The following SNX8 variants were observed in gnomAD, a reference collection of about 807,000 sequenced individuals.
SNX8 encodes sorting nexin-8.
A neutral mutation model predicts 51.6 loss-of-function variants in SNX8; 25 were observed. That is an observed-to-expected ratio of 0.48 (90% CI 0.35 to 0.68). The LOEUF (loss-of-function observed/expected upper bound fraction) is 0.68, where lower values mean the gene tolerates loss of function less well. SNX8 is among the 30% of genes least tolerant of loss of function. The probability of loss-of-function intolerance (pLI) is 0.00; values close to 1 mark genes in which losing one functional copy is unlikely to be tolerated. For missense variants in SNX8, 695 were observed against 624.0 expected (o/e 1.11, Z -1.21); for synonymous variants, 324 against 277.0 (o/e 1.17, Z -1.68).
At chr7:2,329,932 A>G (rs925822121) in intron 1 of SNX8, among the ~76,000 whole-genome samples, 15 of 138,412 alleles carry the variant, frequency 1.1e-4, no homozygotes, top group African/African-American at 3.7e-4. Flanking sequence ...GGTTCAAGCA[A>G]TTCGCCACTC....
intron 7 of SNX8, among the ~76,000 whole-genome samples, chr7:2,258,663 G>C (rs1455565072): frequency 6.6e-6 from 1 of 152,016 alleles, no homozygotes; most frequent in Non-Finnish European, 1.5e-5. Context: ...GGGTAGGTAG[G>C]AGAGACAGCA....
chr7:2,264,442 T>G lies in SNX8; in HGVS notation c.638A>C (p.Asp213Ala). 6.2e-7 allele frequency: 1 copy of G among 1,611,338 alleles called. No homozygotes were observed. Among genetic ancestry groups the G allele is most frequent in the Non-Finnish European group, 8.5e-7 (1 of 1,179,874 alleles). ...GCTGATGGCAAACTGAGCCTGGATG[T>G]CAGCTGGGAGGAAGTCCTGACATCA... ...ATRAKDFLPA[D>A]IQAQFAISRE... The change falls in exon 6 of 11, where the codon GAC (aspartate) becomes GCC (alanine). Residue 213 changes from aspartate to alanine, a missense_variant. Transcript: ENST00000222990.
At chr7:2,308,665 CAAAAAAAAA>C (rs756364188) in intron 1 of SNX8, among the ~76,000 whole-genome samples, 1 of 63,116 alleles carries the variant, frequency 1.6e-5, no homozygotes, top group African/African-American at 6.6e-5. Flanking sequence ...GACTCTGTCT[CAAAAAAAAA>C]AAAAAAAAAA....
rs1228361024 is a variant in SNX8, at chr7:2,254,333, G to C, written c.*723C>G. On this transcript the variant is annotated 3_prime_UTR_variant, in exon 11 of 11. Coordinates refer to ENST00000222990, the MANE Select transcript of SNX8 (RefSeq NM_013321.4). ...GCCACCAGAAATCAAGGGAGTCCAG[G>C]GGACGAGAACACAGCTGCTGTAGCG... 6.5e-6 allele frequency: 1 copy of C among 153,870 alleles called. No homozygotes were observed. Among genetic ancestry groups the C allele is most frequent in the African/African-American group, 2.4e-5 (1 of 41,464 alleles). 9.5% of individuals were successfully genotyped at this position (153,870 alleles called of 1,614,324 possible). A position where few individuals can be genotyped will look rare whatever the true frequency, so the allele number is the denominator to read the frequency against.
chr7:2,324,585 C>T (rs1778593862), intron 1 of SNX8, among the ~76,000 whole-genome samples: 1 of 151,922 alleles, frequency 6.6e-6, no homozygotes, highest in South Asian at 2.1e-4. Context: ...GCCACTGTGA[C>T]TGACCTATTT....
chr7:2,343,845 C>T (rs1335789991), intron 1 of SNX8, among the ~76,000 whole-genome samples: 2 of 151,696 alleles, frequency 1.3e-5, no homozygotes, highest in Non-Finnish European at 2.9e-5. Flanking sequence ...ATGGAGAAAT[C>T]CTGTCTCTAC....
Position 2,264,419 on chromosome 7 carries a change from T to C in SNX8, c.661A>G (p.Ser221Gly). The change falls in exon 6 of 11, where the codon AGC becomes GGC. Residue 221 changes from serine (S) to glycine (G), a missense_variant. By Grantham distance (56) the Ser-to-Gly change is moderately conservative. Coordinates refer to ENST00000222990, the MANE Select transcript of SNX8 (RefSeq NM_013321.4). ...TAGATGTTCCGGATCAGCTCCCGGC[T>C]GATGGCAAACTGAGCCTGGATGTCA... ...PADIQAQFAI[S>G]RELIRNIYNS... 6.2e-7 allele frequency: 1 copy of C among 1,612,256 alleles called. No homozygotes were observed. The highest frequency in any genetic ancestry group is 8.5e-7 in the Non-Finnish European group (1 of 1,179,888).
In SNX8 at chr7:2,344,787, C is replaced by T. The variant is rs191046005; in HGVS notation, c.-66+9435G>A. On this transcript the variant is annotated intron_variant, in intron 1 of 5. Coordinates refer to the SNX8 transcript ENST00000435336. ...AACACGAAAATTAGCCAGCTGGGCA[C>T]GGCGGCTCACGCCTGTAATCCCAGC... Among the ~76,000 whole-genome samples, 423 of 151,468 alleles carry T rather than the reference C, an allele frequency of 2.8e-3. 2 individuals carry two copies. The highest frequency in any genetic ancestry group is 9.6e-3 in the African/African-American group (397 of 41,242).
chr7:2,264,440 T>C lies in SNX8; in HGVS notation c.640A>G (p.Ile214Val), dbSNP rs757912128. 7 of 1,611,360 alleles carry C rather than the reference T, an allele frequency of 4.3e-6. No homozygotes were observed. Among genetic ancestry groups the C allele is most frequent in the African/African-American group, 4.0e-5 (3 of 74,924 alleles). ...TRAKDFLPAD[I>V]QAQFAISREL... ...CGGCTGATGGCAAACTGAGCCTGGATGTCAGCTGGGAGGAAGTCCTGACAT... is the reference window on the plus strand; with the variant it reads ...CGGCTGATGGCAAACTGAGCCTGGACGTCAGCTGGGAGGAAGTCCTGACAT... The change falls in exon 6 of 11, where the codon ATC becomes GTC. Residue 214 changes from isoleucine to valine, a missense_variant. Coordinates refer to ENST00000222990, the MANE Select transcript of SNX8 (RefSeq NM_013321.4).
At chr7:2,353,910 C>G (rs1012147232) in intron 1 of SNX8, among the ~76,000 whole-genome samples, 1 of 152,194 alleles carries the variant, frequency 6.6e-6, no homozygotes, top group Non-Finnish European at 1.5e-5. Flanking sequence ...GGGTTGTTTT[C>G]TAGGATGATT....
intron 1 of SNX8, among the ~76,000 whole-genome samples, chr7:2,302,071 T>C (rs1796407433): frequency 6.6e-6 from 1 of 151,772 alleles, no homozygotes; most frequent in African/African-American, 2.4e-5. Flanking sequence ...TGAAACTTCA[T>C]CTCTATTAAA....
intron 1 of SNX8, among the ~76,000 whole-genome samples, chr7:2,328,966 G>A (rs1212960835): frequency 1.6e-4 from 25 of 151,950 alleles, no homozygotes; most frequent in Non-Finnish European, 3.4e-4. Context: ...GGTGCCTGTA[G>A]TCCCAGCTAT....
chr7:2,309,038 C>T (rs1796609116), intron 1 of SNX8, among the ~76,000 whole-genome samples: 1 of 152,086 alleles, frequency 6.6e-6, no homozygotes, highest in Non-Finnish European at 1.5e-5. Context: ...ATCCGCCCAC[C>T]TCGGCCTCCC....
At position 2,274,606 on chromosome 7, in the gene SNX8, G is replaced by A. The variant is rs754105645; in HGVS notation, c.418+506C>T. 3.9e-5 allele frequency among the ~76,000 whole-genome samples: 6 copies of A among 152,236 alleles called. No homozygotes were observed. The East Asian group carries it at 7.7e-4, about 20-fold the overall frequency. ...GCAGAGAGGTGAAGGTGAGGCAGCC[G>A]TGTGCTGCTTTTTCTCTCCTGCAAG... On this transcript the variant is annotated intron_variant, in intron 3 of 10. Coordinates refer to ENST00000222990, the MANE Select transcript of SNX8 (RefSeq NM_013321.4).
chr7:2,306,126 C>T (rs931282926), intron 1 of SNX8, among the ~76,000 whole-genome samples: 5 of 151,404 alleles, frequency 3.3e-5, no homozygotes, highest in South Asian at 2.1e-4. Flanking sequence ...GTGCCCAACC[C>T]GGGACAAGTC....
intron 3 of SNX8, among the ~76,000 whole-genome samples, chr7:2,274,675 T>C (rs1484016581): frequency 2.0e-5 from 3 of 152,218 alleles, no homozygotes; most frequent in African/African-American, 7.2e-5. Flanking sequence ...TTCTCTTCCA[T>C]GAGGCCACCG....
At chr7:2,269,706 G>T in intron 4 of SNX8, 67 bp from the exon 5 acceptor site, 1 of 1,055,994 alleles carries the variant, frequency 9.5e-7, no homozygotes, top group Non-Finnish European at 1.4e-6. Context: ...GTGGGGTATG[G>T]GTCACTGTGG....
At chr7:2,335,352 C>T (rs897341970) in intron 1 of SNX8, among the ~76,000 whole-genome samples, 8 of 152,062 alleles carry the variant, frequency 5.3e-5, no homozygotes, top group Admixed American at 4.6e-4. Context: ...GGAGAAGCCT[C>T]TCAAACAGCA....
chr7:2,284,986 G>A (rs1367789146), intron 1 of SNX8, among the ~76,000 whole-genome samples: 2 of 151,910 alleles, frequency 1.3e-5, no homozygotes, highest in Non-Finnish European at 1.5e-5. Context: ...GCTGAGGTGG[G>A]CGGATCACAA....
Sources: gnomAD v4.1 joint callset for allele counts (sites outside exome capture counted in the v4.1 genomes callset) on GRCh38, gnomAD v4.1.1 for gene constraint, MANE v1.5 for transcripts, NCBI Gene and HGNC (gene_info 2026-07-23, HGNC 2026-07-21) for gene names.